PIP5K1C: variants seen among roughly 807,000 people sequenced by gnomAD.
PIP5K1C encodes the protein phosphatidylinositol-4-phosphate 5-kinase type 1 gamma, also known as phosphatidylinositol 4-phosphate 5-kinase type-1 gamma.
A neutral mutation model predicts 80.1 loss-of-function variants in PIP5K1C; 45 were observed. The ratio of observed to expected loss-of-function variants is 0.56; its 90% confidence interval spans 0.44 to 0.72. The LOEUF (loss-of-function observed/expected upper bound fraction) is 0.72, where lower values mean the gene tolerates loss of function less well. Among genes scored for constraint, PIP5K1C ranks in the 30% least tolerant of loss-of-function variants. The pLI is 0.00. For missense variants in PIP5K1C, 753 were observed against 954.6 expected, an observed-to-expected ratio of 0.79 and a Z score of 2.78; for synonymous variants, 498 against 420.1, an observed-to-expected ratio of 1.19 and a Z score of -2.27.
At chr19:3,693,291 T>C (rs1012450285) in intron 1 of PIP5K1C, among the ~76,000 whole-genome samples, 1 of 152,150 alleles carries the variant, frequency 6.6e-6, no homozygotes, top group Non-Finnish European at 1.5e-5. Flanking sequence ...GGCAGGGTGC[T>C]GGGGTCCTCT....
rs574929601 is a variant in PIP5K1C, at chr19:3,637,021, C to T, written c.1920+1863G>A. 4.4e-5 allele frequency: 46 copies of T among 1,055,252 alleles called. No individual in the cohort carries two copies. In the African/African-American group the frequency reaches 6.4e-4, roughly 15 times the overall value. 65.4% of individuals were successfully genotyped at this position (1,055,252 alleles called of 1,614,324 possible). A position where few individuals can be genotyped will look rare whatever the true frequency, so the allele number is the denominator to read the frequency against. On this transcript the variant is annotated intron_variant, in intron 16 of 17. Transcript: ENST00000335312. The surrounding 1 kb of genome is among the most constrained non-coding windows in gnomAD (Gnocchi z 7.0). ...GCTCCCAGGGGAGCCGAGGCCTCAG[C>T]GCCTCCATCTGTGAGGTGGGTGTGG...
chr19:3,659,645 G>A (rs1056432184), intron 5 of PIP5K1C, among the ~76,000 whole-genome samples: 13 of 152,136 alleles, frequency 8.5e-5, no homozygotes, highest in Admixed American at 6.5e-5. Context: ...ACTGAAGTCC[G>A]GAGGCTGGGC....
In PIP5K1C at chr19:3,648,947, AC is replaced by A. The variant is rs962979700; in HGVS notation, c.1128-240del. Among the ~76,000 whole-genome samples, 6 of 151,848 alleles carry A rather than the reference AC, an allele frequency of 4.0e-5. No homozygotes were observed. Among genetic ancestry groups the A allele is most frequent in the African/African-American group, 9.7e-5 (4 of 41,278 alleles). On this transcript the variant is annotated intron_variant, in intron 8 of 17. Transcript: ENST00000335312. This position sits in a 1 kb window ranked among gnomAD's most constrained non-coding sequence, Gnocchi z 4.3. ...TCCCAGCTAGGAGGCCTGGGCACAT[AC>A]CCCCTACACACACGTGTGCCTGGAC... is the stretch of plus-strand genomic sequence containing the variant.
intron 3 of PIP5K1C, among the ~76,000 whole-genome samples, chr19:3,663,771 T>C (rs1479561478): frequency 6.6e-6 from 1 of 152,204 alleles, no homozygotes. Context: ...TCATTCACTG[T>C]TGCTGGGTGT....
rs573538612 is a variant in PIP5K1C at position 3,632,969 on chromosome 19, C to T, written c.*198G>A. 14 of 531,600 alleles carry T rather than the reference C, an allele frequency of 2.6e-5. No homozygotes were observed. Among genetic ancestry groups the T allele is most frequent in the East Asian group, 1.3e-4 (4 of 31,002 alleles). The allele number at this position is 531,600 out of a possible 1,614,324, so 32.9% of individuals were successfully genotyped here. A position where few individuals can be genotyped will look rare whatever the true frequency, so the allele number is the denominator to read the frequency against. ...GGTGGGTCTCACAGGGGCAGGCTGC[C>T]GACCGGGGTGCCGGGGCCCTGGGAG... On this transcript the variant is annotated 3_prime_UTR_variant, in exon 18 of 18. Transcript: ENST00000335312.
At chr19:3,695,565 G>T (rs911117690) in intron 1 of PIP5K1C, among the ~76,000 whole-genome samples, 1 of 152,152 alleles carries the variant, frequency 6.6e-6, no homozygotes, top group African/African-American at 2.4e-5. Flanking sequence ...GGCCCCCGAG[G>T]CCTCTCCACT....
rs1189455991 is a variant in PIP5K1C at position 3,637,441 on chromosome 19, G to A, written c.1920+1443C>T. 13 of 1,535,534 alleles carry A rather than the reference G, an allele frequency of 8.5e-6. No individual in the cohort carries two copies. Among genetic ancestry groups the A allele is most frequent in the South Asian group, 4.8e-5 (4 of 84,070 alleles). On this transcript the variant is annotated intron_variant, in intron 16 of 17. Coordinates refer to ENST00000335312, the MANE Select transcript of PIP5K1C (RefSeq NM_012398.3). This position sits in a 1 kb window ranked among gnomAD's most constrained non-coding sequence, Gnocchi z 7.0. Reference sequence around the variant, plus strand: ...AAAGCCCTTCTGGAAAACAACTGACGTCAGACACTGAGCTTCCGGCCGGGG... The same window carrying A: ...AAAGCCCTTCTGGAAAACAACTGACATCAGACACTGAGCTTCCGGCCGGGG...
chr19:3,633,385 A>G, intron 17 of PIP5K1C, 52 bp downstream of exon 17: 1 of 1,362,318 alleles, frequency 7.3e-7, no homozygotes, highest in Non-Finnish European at 9.9e-7. Context: ...GACCACGCTC[A>G]GTAGAACCTT....
chr19:3,678,250 A>AG (rs2035453684), intron 1 of PIP5K1C, among the ~76,000 whole-genome samples: 1 of 61,330 alleles, frequency 1.6e-5, no homozygotes, highest in African/African-American at 6.5e-5. Flanking sequence ...AGGAATGGAG[A>AG]ATGGAGGGGT....
intron 8 of PIP5K1C, 73 bp downstream of exon 8, chr19:3,651,753 G>A: frequency 3.5e-6 from 5 of 1,441,282 alleles, no homozygotes; most frequent in Non-Finnish European, 4.9e-6. Flanking sequence ...TTTCACACTT[G>A]GGACGGGGAT....
In PIP5K1C at chr19:3,681,521, C is replaced by T. The variant is rs561544735; in HGVS notation, c.95-14168G>A. Among the ~76,000 whole-genome samples, 4 of 152,192 alleles carry T rather than the reference C, an allele frequency of 2.6e-5. No homozygotes were observed. The South Asian group carries it at 6.2e-4, about 24-fold the overall frequency. ...TGCTGGGATTACAGGCATGAGCCAC[C>T]GCGCCTGGCCCACTTTTGTCTTTTG... On this transcript the variant is annotated intron_variant, in intron 1 of 17. Coordinates refer to ENST00000335312, the MANE Select transcript of PIP5K1C (RefSeq NM_012398.3).
At position 3,633,131 on chromosome 19, in the gene PIP5K1C, G is replaced by C; in HGVS notation, c.*36C>G. Reference sequence around the variant, plus strand: ...GCCTTCGGGGGCAGCCGGAGCAGAAGTGGAGCTCGGCTCTGGGTCGGGGGC... The same window carrying C: ...GCCTTCGGGGGCAGCCGGAGCAGAACTGGAGCTCGGCTCTGGGTCGGGGGC... On this transcript the variant is annotated 3_prime_UTR_variant, in exon 18 of 18. Transcript: ENST00000335312. 1 of 757,326 alleles carries C rather than the reference G, an allele frequency of 1.3e-6. No individual in the cohort carries two copies. The highest frequency in any genetic ancestry group is 2.5e-5 in the East Asian group (1 of 40,206). 46.9% of individuals were successfully genotyped at this position (757,326 alleles called of 1,614,324 possible).
chr19:3,631,410 A>G lies in PIP5K1C; in HGVS notation c.*1757T>C. On this transcript the variant is annotated 3_prime_UTR_variant, in exon 18 of 18. Transcript: ENST00000335312. ...GGGGTGCCTGCTGGGTGTCCTTCGG[A>G]GGGACAGGGCGGGGGCTGATGGGTG... 1 of 152,670 alleles carries G rather than the reference A, an allele frequency of 6.6e-6. No homozygotes were observed. The highest frequency in any genetic ancestry group is 1.5e-5 in the Non-Finnish European group (1 of 68,364). The allele number at this position is 152,670 out of a possible 1,614,324, so 9.5% of individuals were successfully genotyped here. A position where few individuals can be genotyped will look rare whatever the true frequency, so the allele number is the denominator to read the frequency against.
intron 1 of PIP5K1C, among the ~76,000 whole-genome samples, chr19:3,676,942 A>G (rs1049376238): frequency 1.3e-5 from 2 of 151,942 alleles, no homozygotes; most frequent in Admixed American, 6.6e-5. Flanking sequence ...CTCTACAAAA[A>G]AATTTAAATA....
intron 16 of PIP5K1C, among the ~76,000 whole-genome samples, chr19:3,634,861 T>TCCTGC (rs2033613067): frequency 6.6e-6 from 1 of 152,244 alleles, no homozygotes; most frequent in East Asian, 1.9e-4. Flanking sequence ...GGCAGCGCAC[T>TCCTGC]CCTGCCCTGC....
At chr19:3,638,794 GGTGT>G (rs1386242865) in intron 16 of PIP5K1C, 86 bp downstream of exon 16, 7 of 1,528,496 alleles carry the variant, frequency 4.6e-6, no homozygotes, top group Non-Finnish European at 4.5e-6. Flanking sequence ...CCTGTGTGCA[GGTGT>G]GTGTATGCGG....
intron 1 of PIP5K1C, among the ~76,000 whole-genome samples, chr19:3,678,245 T>G (rs1410078003): frequency 3.9e-5 from 2 of 51,866 alleles, no homozygotes; most frequent in Non-Finnish European, 3.6e-5. Flanking sequence ...GATGGAGGAA[T>G]GGAGAATGGA....
intron 11 of PIP5K1C, 28 bp downstream of exon 11, chr19:3,645,946 C>G: frequency 6.3e-7 from 1 of 1,586,956 alleles, no homozygotes; most frequent in Non-Finnish European, 8.7e-7. Context: ...CAGGGTCCCT[C>G]CCGCCTTGCG....
chr19:3,651,738 CCTGTTTTCA>C, intron 8 of PIP5K1C, 79 bp downstream of exon 8: 1 of 1,332,000 alleles, frequency 7.5e-7, no homozygotes, highest in Non-Finnish European at 1.1e-6. Flanking sequence ...GCCCTCCCTG[CCTGTTTTCA>C]CACTTGGGAC....
Sources: gnomAD v4.1 joint callset for allele counts (sites outside exome capture counted in the v4.1 genomes callset) on GRCh38, gnomAD v4.1.1 for gene constraint, Gnocchi (gnomAD v3.1) non-coding constraint, MANE v1.5 for transcripts, NCBI Gene and HGNC (gene_info 2026-07-23, HGNC 2026-07-21) for gene names.